The following MED1 variants were observed in gnomAD, a reference collection of about 807,000 sequenced individuals.
MED1 encodes the protein mediator complex subunit 1, also known as mediator of RNA polymerase II transcription subunit 1.
A neutral mutation model predicts 121.3 loss-of-function variants in MED1; 17 were observed. The ratio of observed to expected loss-of-function variants is 0.14; its 90% CI spans 0.10 to 0.21. MED1 has a LOEUF of 0.21. Among genes scored for constraint, MED1 ranks in the 10% least tolerant of loss-of-function variants. The probability of loss-of-function intolerance (pLI) is 1.00; values close to 1 mark genes in which losing one functional copy is unlikely to be tolerated. For synonymous variants in MED1, 661 were observed against 694.4 expected (o/e 0.95, Z 0.76); for missense variants, 1,558 against 1,919.4 (o/e 0.81, Z 3.52).
Position 39,410,536 on chromosome 17 carries a change from G to A in MED1, c.1685C>T (p.Thr562Ile). 6.2e-7 allele frequency: 1 copy of A among 1,614,134 alleles called. No homozygotes were observed. Among genetic ancestry groups the A allele is most frequent in the Non-Finnish European group, 8.5e-7 (1 of 1,180,042 alleles). ...ACCCCCCGGAAAGGTGTTGGTTGGT[G>A]TAGTGGTACCACTCATTGGGTTGTT... Reference protein sequence around the residue: ...TGNNPMSGTTTPTNTFPGGPI... With the variant: ...TGNNPMSGTTIPTNTFPGGPI... Residue 562 changes from threonine (T) to isoleucine (I), a missense_variant, in exon 17 of 17, where the codon ACA becomes ATA. Coordinates refer to ENST00000300651, the MANE Select transcript of MED1 (RefSeq NM_004774.4).
chr17:39,434,323 AT>A lies in MED1; in HGVS notation c.429-4del. 1 of 1,525,646 alleles carries A rather than the reference AT, an allele frequency of 6.6e-7. No homozygotes were observed. Among genetic ancestry groups the A allele is most frequent in the South Asian group, 1.2e-5 (1 of 81,588 alleles). 94.5% of individuals were successfully genotyped at this position (1,525,646 alleles called of 1,614,324 possible). A position where few individuals can be genotyped will look rare whatever the true frequency, so the allele number is the denominator to read the frequency against. ...AAAATTCATCAAAATTTTTTTCCCT[AT>A]AAGGAGTTCAGGGAAGAGGGGAAAG... On this transcript the variant is annotated splice_region_variant and splice_polypyrimidine_tract_variant and intron_variant, in intron 6 of 16. Coordinates refer to ENST00000300651, the MANE Select transcript of MED1 (RefSeq NM_004774.4).
chr17:39,420,493 G>A (rs1257664434), intron 13 of MED1, among the ~76,000 whole-genome samples: 7 of 151,812 alleles, frequency 4.6e-5, no homozygotes, highest in South Asian at 2.1e-4. Context: ...AAACAACCAC[G>A]CCCGGCTGCA....
At chr17:39,433,475 G>C (rs1183469283) in intron 7 of MED1, among the ~76,000 whole-genome samples, 1 of 151,056 alleles carries the variant, frequency 6.6e-6, no homozygotes, top group Non-Finnish European at 1.5e-5. Flanking sequence ...AAAGGAGTGA[G>C]CCACTGTGCC....
In MED1 at chr17:39,407,880, A is replaced by C; in HGVS notation, c.4341T>G (p.Ser1447=). The C allele has an allele frequency of 6.2e-7, 1 of 1,613,190 alleles. No individual in the cohort carries two copies. The part of the protein sequence containing the change: ...SGSTPKHERG[S]PSHSKSPAYT... Reference sequence around the variant, plus strand: ...ATGCTGGTGACTTACTATGGCTGGGAGAGCCACGCTCATGCTTTGGAGTGG... The same window carrying C: ...ATGCTGGTGACTTACTATGGCTGGGCGAGCCACGCTCATGCTTTGGAGTGG... Residue 1447 remains serine (S), a synonymous_variant, in exon 17 of 17, where the codon TCT becomes TCG. Transcript: ENST00000300651.
In MED1 at chr17:39,407,152, T is replaced by C; in HGVS notation, c.*323A>G. 1 of 1,014,676 alleles carries C rather than the reference T, an allele frequency of 9.9e-7. No homozygotes were observed. The highest frequency in any genetic ancestry group is 1.2e-6 in the Non-Finnish European group (1 of 848,920). 62.9% of individuals were successfully genotyped at this position (1,014,676 alleles called of 1,614,324 possible). A position where few individuals can be genotyped will look rare whatever the true frequency, so the allele number is the denominator to read the frequency against. ...GGAAAAAGGGAGAAGAAAATATATATGAATATTTCCCACAAAACTGTTTCC... is the reference window on the plus strand; with the variant it reads ...GGAAAAAGGGAGAAGAAAATATATACGAATATTTCCCACAAAACTGTTTCC... On this transcript the variant is annotated 3_prime_UTR_variant, in exon 17 of 17. Coordinates refer to ENST00000300651, the MANE Select transcript of MED1 (RefSeq NM_004774.4).
chr17:39,431,165 A>G lies in MED1; in HGVS notation c.599T>C (p.Leu200Ser). The change falls in exon 9 of 17, where the codon TTG (leucine) becomes TCG (serine). Residue 200 changes from leucine (L) to serine (S), a missense_variant. This residue lies in a region of MED1 where 443 missense variants were observed against 532.4 expected (regional missense o/e 0.83). Transcript: ENST00000300651. ...MYWKATNAGP[L>S]DKILHGSVGY... Reference sequence around the variant, plus strand: ...AACACTTCCATGAAGAATCTTATCCAAGGGACCAGCATTAGTTGCTTTCCT... The same window carrying G: ...AACACTTCCATGAAGAATCTTATCCGAGGGACCAGCATTAGTTGCTTTCCT... The G allele has an allele frequency of 6.2e-7, 1 of 1,613,378 alleles. No homozygotes were observed. Among genetic ancestry groups the G allele is most frequent in the Non-Finnish European group, 8.5e-7 (1 of 1,179,334 alleles).
Position 39,405,767 on chromosome 17 carries a change from GA to G in MED1, c.*1707del, listed in dbSNP as rs2048298111. 1.0e-6 allele frequency: 1 copy of G among 986,724 alleles called. No individual in the cohort carries two copies. Among genetic ancestry groups the G allele is most frequent in the African/African-American group, 1.7e-5 (1 of 57,358 alleles). The allele number at this position is 986,724 out of a possible 1,614,324, so 61.1% of individuals were successfully genotyped here. A position where few individuals can be genotyped will look rare whatever the true frequency, so the allele number is the denominator to read the frequency against. ...GACAATAAAAAGGAGAACACTAGAGGAAATGAGACAGGAAAGAAAGCCAAAG... is the reference window on the plus strand; with the variant it reads ...GACAATAAAAAGGAGAACACTAGAGGAATGAGACAGGAAAGAAAGCCAAAG... On this transcript the variant is annotated 3_prime_UTR_variant, in exon 17 of 17. Coordinates refer to ENST00000300651, the MANE Select transcript of MED1 (RefSeq NM_004774.4).
chr17:39,421,294 G>C lies in MED1; in HGVS notation c.1096-1376C>G, dbSNP rs576779381. 3.3e-5 allele frequency among the ~76,000 whole-genome samples: 5 copies of C among 149,920 alleles called. No homozygotes were observed. The East Asian group carries it at 1.0e-3, about 30-fold the overall frequency. On this transcript the variant is annotated intron_variant, in intron 13 of 16. Coordinates refer to ENST00000300651, the MANE Select transcript of MED1 (RefSeq NM_004774.4). ...AGGACAGGCAAGGTGGCTTGCGCCT[G>C]TAATCCCAGCACTTTGGGAGGCGGA...
chr17:39,424,875 T>G, intron 10 of MED1, 137 bp from the exon 11 acceptor site: 3 of 586,218 alleles, frequency 5.1e-6, no homozygotes, highest in Non-Finnish European at 8.9e-6. Context: ...ATTTATTTAT[T>G]TATGTATTTA....
intron 11 of MED1, 64 bp from the exon 12 acceptor site, chr17:39,423,885 A>T (rs79130623): frequency 7.0e-7 from 1 of 1,436,340 alleles, no homozygotes; most frequent in Admixed American, 2.6e-5. Flanking sequence ...AAACCCAAAC[A>T]CCTTTTTTTT....
At chr17:39,423,087 G>T (rs1031630755) in intron 13 of MED1, among the ~76,000 whole-genome samples, 1 of 151,312 alleles carries the variant, frequency 6.6e-6, no homozygotes, top group Non-Finnish European at 1.5e-5. Flanking sequence ...GGCTGGTCTC[G>T]AACTCCTGAC....
At chr17:39,450,158 CA>C (rs2144781492) in intron 1 of MED1, among the ~76,000 whole-genome samples, 1 of 152,072 alleles carries the variant, frequency 6.6e-6, no homozygotes, top group South Asian at 2.1e-4. Context: ...GTATGTTGCC[CA>C]GGCTGGTCGC....
chr17:39,443,508 G>T, intron 3 of MED1, 42 bp downstream of exon 3: 1 of 1,542,440 alleles, frequency 6.5e-7, no homozygotes, highest in South Asian at 1.1e-5. Flanking sequence ...TCTTGAACTG[G>T]GGGTTTTGTG....
At chr17:39,429,856 G>A (rs2048549592) in intron 9 of MED1, among the ~76,000 whole-genome samples, 2 of 152,040 alleles carry the variant, frequency 1.3e-5, no homozygotes, top group African/African-American at 2.4e-5. Context: ...CAATGCAGTG[G>A]CAGGAAGATC....
At chr17:39,422,716 C>G (rs1436656422) in intron 13 of MED1, among the ~76,000 whole-genome samples, 1 of 151,674 alleles carries the variant, frequency 6.6e-6, no homozygotes, top group Admixed American at 6.6e-5. Flanking sequence ...TCTCTAGTGA[C>G]CACCCGCCTT....
At chr17:39,449,718 C>T (rs1460973754) in intron 1 of MED1, among the ~76,000 whole-genome samples, 1 of 151,060 alleles carries the variant, frequency 6.6e-6, no homozygotes, top group Non-Finnish European at 1.5e-5. Context: ...CCATGTTAGC[C>T]AGTCTGGTCT....
In MED1 at chr17:39,406,373, C is replaced by T; in HGVS notation, c.*1102G>A. On this transcript the variant is annotated 3_prime_UTR_variant, in exon 17 of 17. Transcript: ENST00000300651. ...TTGTGATGAAGAGAAACAGTGAGTC[C>T]AGCTCTTAGGAATGGCATCAGTTCT... 1.0e-6 allele frequency: 1 copy of T among 985,424 alleles called. No homozygotes were observed. The highest frequency in any genetic ancestry group is 1.7e-5 in the African/African-American group (1 of 57,306). 61.0% of individuals were successfully genotyped at this position (985,424 alleles called of 1,614,324 possible).
intron 14 of MED1, among the ~76,000 whole-genome samples, chr17:39,417,766 G>C (rs999828440): frequency 6.6e-6 from 1 of 152,136 alleles, no homozygotes; most frequent in Non-Finnish European, 1.5e-5. Flanking sequence ...AATTAACTAT[G>C]GTTAGCTAGA....
Position 39,405,009 on chromosome 17 carries a change from A to C in MED1, c.*2466T>G. 1 of 504,340 alleles carries C rather than the reference A, an allele frequency of 2.0e-6. No homozygotes were observed. Among genetic ancestry groups the C allele is most frequent in the Non-Finnish European group, 3.4e-6 (1 of 294,158 alleles). The allele number at this position is 504,340 out of a possible 1,614,324, so 31.2% of individuals were successfully genotyped here. Reference sequence around the variant, plus strand: ...AGAAGAGGAATCAGGTCAAACTGAGAATACATAAGACACCAGCAGCAGAAG... The same window carrying C: ...AGAAGAGGAATCAGGTCAAACTGAGCATACATAAGACACCAGCAGCAGAAG... On this transcript the variant is annotated 3_prime_UTR_variant, in exon 17 of 17. Transcript: ENST00000300651.
Sources: allele counts gnomAD v4.1 joint callset (sites outside exome capture counted in the v4.1 genomes callset), GRCh38; gene constraint gnomAD v4.1.1; regional missense constraint gnomAD v4.1.1; transcripts MANE v1.5; gene names NCBI Gene and HGNC (gene_info 2026-07-23, HGNC 2026-07-21).